The following GLUL variants were observed in gnomAD, a reference collection of about 807,000 sequenced individuals.
GLUL encodes glutamine synthetase.
Under a neutral mutation model 36.9 loss-of-function variants are expected in GLUL, and 8 were observed. The ratio of observed to expected loss-of-function variants is 0.22; its 90% CI spans 0.13 to 0.39. The LOEUF (loss-of-function observed/expected upper bound fraction) is 0.39. Among genes scored for constraint, GLUL ranks in the 10% least tolerant of loss-of-function variants. GLUL has a pLI of 1.00. For synonymous variants in GLUL, 182 were observed against 172.8 expected (o/e 1.05, Z -0.42); for missense variants, 315 against 501.8 (o/e 0.63, Z 3.56).
rs1359133378 is a variant in GLUL, at chr1:182,380,453, T to G, written c.*3952A>C. 2.0e-5 allele frequency among the ~76,000 whole-genome samples: 3 copies of G among 151,984 alleles called. No homozygotes were observed. Among genetic ancestry groups the G allele is most frequent in the Non-Finnish European group, 4.4e-5 (3 of 68,004 alleles). On this transcript the variant is annotated 3_prime_UTR_variant, in exon 7 of 7. Transcript: ENST00000331872. ...CTCCTGATAGCTGAGACTACAGGCGTGCAATTTAAAAAAAAATTATTTTGT... is the reference window on the plus strand; with the variant it reads ...CTCCTGATAGCTGAGACTACAGGCGGGCAATTTAAAAAAAAATTATTTTGT...
At chr1:182,389,069 A>C (rs773890937) in intron 1 of GLUL, 4 of 364,166 alleles carry the variant, frequency 1.1e-5, no homozygotes, top group Non-Finnish European at 2.1e-5. Context: ...CACAGGCTTA[A>C]GTTCCACAGC....
At position 182,387,362 on chromosome 1, in the gene GLUL, G is replaced by C. The variant is rs1333394783; in HGVS notation, c.167-70C>G. 3.7e-6 allele frequency: 4 copies of C among 1,093,198 alleles called. No homozygotes were observed. The South Asian group carries it at 3.7e-5, about 10-fold the overall frequency. The allele number at this position is 1,093,198 out of a possible 1,614,324, so 67.7% of individuals were successfully genotyped here. ...TTTCCAAGCAATGCAAATACAGCCA[G>C]CCCTTCACTCACCTTCCCATCTCTA... is the stretch of plus-strand genomic sequence containing the variant. On this transcript the variant is annotated intron_variant, in intron 2 of 6. Transcript: ENST00000331872.
intron 2 of GLUL, among the ~76,000 whole-genome samples, chr1:182,388,018 T>C (rs541541555): frequency 6.6e-6 from 1 of 152,342 alleles, no homozygotes; most frequent in African/African-American, 2.4e-5. Context: ...TATGGCTTGT[T>C]CTAGACTGAA....
At chr1:182,390,597 G>T (rs994614740) in intron 1 of GLUL, 4 of 399,238 alleles carry the variant, frequency 1.0e-5, no homozygotes, top group Non-Finnish European at 1.8e-5. Context: ...GACTCTAGCT[G>T]GTCCAAGCAC....
rs371372996 is a variant in GLUL, at chr1:182,385,838, G to A, written c.525C>T (p.Ile175=). ...VGADRAYGRD[I]VEAHYRACLY... is the part of the protein sequence containing the mutation. ...AGCAGGCCCGGTAATGGGCCTCCAC[G>A]ATGTCCCTGCCATAGGCTCTGTCTG... Residue 175 remains isoleucine, a synonymous_variant, in exon 5 of 7, where the codon ATC becomes ATT. Transcript: ENST00000331872. The A allele has an allele frequency of 1.1e-5, 18 of 1,613,626 alleles. No individual in the cohort carries two copies. Among genetic ancestry groups the A allele is most frequent in the Middle Eastern group, 1.6e-4 (1 of 6,062 alleles).
rs886045618 is a variant in GLUL at position 182,390,763 on chromosome 1, G to A, written c.-14+916C>T. On this transcript the variant is annotated intron_variant, in intron 1 of 6. Coordinates refer to ENST00000331872, the MANE Select transcript of GLUL (RefSeq NM_001033044.4). ...AGGCGACGAAGCCGAAGCAGCTGGAGCGCGACCCGGAGGAGTCTGACTTCT... is the reference window on the plus strand; with the variant it reads ...AGGCGACGAAGCCGAAGCAGCTGGAACGCGACCCGGAGGAGTCTGACTTCT... The A allele has an allele frequency of 1.0e-5, 4 of 399,034 alleles. No individual in the cohort carries two copies. Among genetic ancestry groups the A allele is most frequent in the Non-Finnish European group, 8.8e-6 (2 of 226,142 alleles). The allele number at this position is 399,034 out of a possible 1,614,324, so 24.7% of individuals were successfully genotyped here. A position where few individuals can be genotyped will look rare whatever the true frequency, so the allele number is the denominator to read the frequency against.
chr1:182,391,285 G>T (rs984454834), intron 1 of GLUL: 1 of 398,702 alleles, frequency 2.5e-6, no homozygotes, highest in Non-Finnish European at 4.4e-6. Flanking sequence ...CAAGCGCCTT[G>T]TTTGCGCTCC....
rs1649893143 is a variant in GLUL, at chr1:182,380,595, CTTGA to C, written c.*3806_*3809del. On this transcript the variant is annotated 3_prime_UTR_variant, in exon 7 of 7. Coordinates refer to ENST00000331872, the MANE Select transcript of GLUL (RefSeq NM_001033044.4). ...ACAGGCGTAAGCCACTTCACCTGGCCTTGATTCTTTTTAAGCTCAATAAAAATGG... is the reference window on the plus strand; with the variant it reads ...ACAGGCGTAAGCCACTTCACCTGGCCTTCTTTTTAAGCTCAATAAAAATGG... Among the ~76,000 whole-genome samples, 1 of 152,222 alleles carries C rather than the reference CTTGA, an allele frequency of 6.6e-6. No individual in the cohort carries two copies. The highest frequency in any genetic ancestry group is 1.5e-5 in the Non-Finnish European group (1 of 68,042).
At chr1:182,387,058 A>G in intron 3 of GLUL, 73 bp downstream of exon 3, 2 of 1,186,828 alleles carry the variant, frequency 1.7e-6, no homozygotes, top group Middle Eastern at 2.6e-4. Flanking sequence ...TGCTGATTTC[A>G]GAATGTCTTC....
rs1649867624 is a variant in GLUL at position 182,379,912 on chromosome 1, T to G, written c.*4493A>C. Reference sequence around the variant, plus strand: ...CAGGCTGGAGTACAATGTTGCAATCTCAGCTCACTGCAACCTCCGCCTTCC... The same window carrying G: ...CAGGCTGGAGTACAATGTTGCAATCGCAGCTCACTGCAACCTCCGCCTTCC... On this transcript the variant is annotated 3_prime_UTR_variant, in exon 7 of 7. Transcript: ENST00000331872. Among the ~76,000 whole-genome samples, 1 of 150,050 alleles carries G rather than the reference T, an allele frequency of 6.7e-6. No individual in the cohort carries two copies. The highest frequency in any genetic ancestry group is 2.5e-5 in the African/African-American group (1 of 40,590).
chr1:182,386,097 T>C, intron 4 of GLUL, 159 bp downstream of exon 4: 1 of 889,082 alleles, frequency 1.1e-6, no homozygotes. Context: ...ACTTTATATA[T>C]TCATATCCAT....
intron 2 of GLUL, 75 bp downstream of exon 2, chr1:182,388,497 G>T: frequency 7.8e-7 from 1 of 1,283,584 alleles, no homozygotes; most frequent in Non-Finnish European, 1.1e-6. Context: ...TAATCCAGAG[G>T]CTGAGTCAAA....
intron 6 of GLUL, chr1:182,384,957 T>C (rs1398533759): frequency 2.3e-5 from 13 of 570,338 alleles, no homozygotes; most frequent in South Asian, 2.2e-4. Flanking sequence ...ATTAAGCTTA[T>C]CCACATGCCT....
intron 2 of GLUL, 29 bp from the exon 3 acceptor site, chr1:182,387,321 T>TA (rs1305436628): frequency 6.4e-7 from 1 of 1,570,890 alleles, no homozygotes; most frequent in South Asian, 1.1e-5. Flanking sequence ...AAATTACATT[T>TA]AAAACATACA....
rs1058719 is a variant in GLUL, at chr1:182,383,083, T to C, written c.*1322A>G. The C allele has an allele frequency of 6.6e-6, 1 of 152,122 alleles. No homozygotes were observed. The highest frequency in any genetic ancestry group is 2.1e-4 in the South Asian group (1 of 4,814). 9.4% of individuals were successfully genotyped at this position (152,122 alleles called of 1,614,324 possible). ...GGTAGATGAAATGAAGGAATAAAGG[T>C]GGGGTTTATTCCTTATTATAAAAGA... On this transcript the variant is annotated 3_prime_UTR_variant, in exon 7 of 7. Transcript: ENST00000331872.
chr1:182,391,484 G>A (rs1001697285), intron 1 of GLUL, 195 bp downstream of exon 1: 7 of 367,158 alleles, frequency 1.9e-5, no homozygotes, highest in Admixed American at 9.3e-5. Context: ...AGCCCCGACG[G>A]GTCCAAGCCA....
chr1:182,388,633 A>G lies in GLUL; in HGVS notation c.105T>C (p.Gly35=). Residue 35 remains glycine, a synonymous_variant, in exon 2 of 7, where the codon GGT becomes GGC. Transcript: ENST00000331872. ...KVQAMYIWID[G]TGEGLRCKTR... ...TCTTGCAGCGCAGTCCTTCTCCAGT[A>G]CCATCGATCCAGATATACATGGCCT... 1.2e-6 allele frequency: 2 copies of G among 1,613,850 alleles called. No individual in the cohort carries two copies.
rs925758618 is a variant in GLUL, at chr1:182,388,557, A to C, written c.166+15T>G. The C allele has an allele frequency of 4.3e-6, 7 of 1,612,248 alleles. No homozygotes were observed. The highest frequency in any genetic ancestry group is 1.7e-5 in the Admixed American group (1 of 59,970). ...TCCCACCCAGCATGTGCTCCACTCC[A>C]CATTGCTGTCTCACCTTCCACACAC... On this transcript the variant is annotated intron_variant, in intron 2 of 6. Coordinates refer to ENST00000331872, the MANE Select transcript of GLUL (RefSeq NM_001033044.4).
chr1:182,385,636 C>T lies in GLUL; in HGVS notation c.604-80G>A, dbSNP rs1650143011. On this transcript the variant is annotated intron_variant, in intron 5 of 6. Transcript: ENST00000331872. ...GAATCTCCTAAACCTGTTCTCTTCT[C>T]ACCTGTACTCCAACCCGTTCTTAGG... 1.9e-6 allele frequency: 3 copies of T among 1,549,942 alleles called. No homozygotes were observed. The African/African-American group carries it at 4.1e-5, about 21-fold the overall frequency.
Sources: gnomAD v4.1 joint callset for allele counts (sites outside exome capture counted in the v4.1 genomes callset) on GRCh38, gnomAD v4.1.1 for gene constraint, MANE v1.5 for transcripts, NCBI Gene and HGNC (gene_info 2026-07-23, HGNC 2026-07-21) for gene names.